Variants in XKR4 observed in about 807,000 individuals in gnomAD.
XKR4 encodes the protein XK related 4, also known as XK-related protein 4.
A neutral mutation model predicts 53.9 loss-of-function variants in XKR4; 12 were observed. The ratio of observed to expected loss-of-function variants is 0.22; its 90% CI spans 0.14 to 0.36. XKR4 has a LOEUF of 0.36. Ranked by LOEUF, XKR4 falls within the 10% of genes least tolerant of loss-of-function variation. XKR4 has a pLI of 1.00. For synonymous variants in XKR4, 354 were observed against 362.4 expected (o/e 0.98, Z 0.26); for missense variants, 799 against 859.5 (o/e 0.93, Z 0.88).
At chr8:55,137,104 T>G (rs1195428849) in intron 1 of XKR4, among the ~76,000 whole-genome samples, 1 of 152,170 alleles carries the variant, frequency 6.6e-6, no homozygotes, top group Non-Finnish European at 1.5e-5. Flanking sequence ...AGTGTAAGCA[T>G]TTTATGTCTA....
chr8:55,338,784 G>T (rs1227123088), intron 1 of XKR4, among the ~76,000 whole-genome samples: 1 of 152,044 alleles, frequency 6.6e-6, no homozygotes, highest in Admixed American at 6.6e-5. Context: ...AAGCTTTAGG[G>T]GTTGATTTTT....
intron 2 of XKR4, among the ~76,000 whole-genome samples, chr8:55,417,299 G>A (rs542851117): frequency 1.3e-5 from 2 of 152,324 alleles, no homozygotes; most frequent in South Asian, 4.1e-4. Context: ...CCACGGTTTA[G>A]GAGAGAAGTT....
intron 1 of XKR4, among the ~76,000 whole-genome samples, chr8:55,336,983 GT>G (rs142746758): frequency 6.6e-6 from 1 of 152,150 alleles, no homozygotes; most frequent in Non-Finnish European, 1.5e-5. Flanking sequence ...ACTTGCAAGG[GT>G]TTTTTTGGTG....
chr8:55,176,326 T>G (rs1312137966), intron 1 of XKR4, among the ~76,000 whole-genome samples: 1 of 152,204 alleles, frequency 6.6e-6, no homozygotes, highest in Non-Finnish European at 1.5e-5. Context: ...CACTGTGGGG[T>G]TCGCTCTGCT....
intron 2 of XKR4, among the ~76,000 whole-genome samples, chr8:55,508,139 T>G (rs1585611744): frequency 6.6e-6 from 1 of 152,028 alleles, no homozygotes; most frequent in East Asian, 1.9e-4. Flanking sequence ...TTACAAGCAG[T>G]GATGGCATGA....
intron 2 of XKR4, among the ~76,000 whole-genome samples, chr8:55,445,876 T>G (rs1265115997): frequency 6.6e-6 from 1 of 152,210 alleles, no homozygotes; most frequent in East Asian, 1.9e-4. Context: ...TACGAAGCCT[T>G]GCTAAATAGG....
chr8:55,164,713 A>G (rs2129357682), intron 1 of XKR4: 1 of 276,502 alleles, frequency 3.6e-6, no homozygotes, highest in Admixed American at 4.5e-5. Flanking sequence ...AAACCCATGT[A>G]TAATAATACC....
intron 1 of XKR4, among the ~76,000 whole-genome samples, chr8:55,138,106 C>T (rs899691774): frequency 2.6e-5 from 4 of 152,094 alleles, no homozygotes; most frequent in Non-Finnish European, 5.9e-5. Context: ...ACAATGTATA[C>T]CAAGGAGGGA....
chr8:55,328,898 T>C (rs1321767258), intron 1 of XKR4, among the ~76,000 whole-genome samples: 1 of 152,180 alleles, frequency 6.6e-6, no homozygotes, highest in Non-Finnish European at 1.5e-5. Context: ...CACCATGTTT[T>C]CTTTTCTTCA....
intron 1 of XKR4, among the ~76,000 whole-genome samples, chr8:55,176,263 G>T (rs908172442): frequency 2.6e-5 from 4 of 152,248 alleles, no homozygotes; most frequent in African/African-American, 9.6e-5. Flanking sequence ...AGCATCCAGG[G>T]TTGGGGCTGA....
rs1806948093 is a variant in XKR4, at chr8:55,531,176, A to T, written c.*6949A>T. 1 of 152,138 alleles carries T rather than the reference A, an allele frequency of 6.6e-6. No homozygotes were observed. The highest frequency in any genetic ancestry group is 2.4e-5 in the African/African-American group (1 of 41,418). 9.4% of individuals were successfully genotyped at this position (152,138 alleles called of 1,614,324 possible). ...ATATGCATCGTCAGGCAATTTTGTC[A>T]TTGTGTGATGGAGTGTGCTTACACA... On this transcript the variant is annotated 3_prime_UTR_variant, in exon 3 of 3. Coordinates refer to ENST00000327381, the MANE Select transcript of XKR4 (RefSeq NM_052898.2).
intron 1 of XKR4, among the ~76,000 whole-genome samples, chr8:55,263,517 A>C (rs1469636905): frequency 1.3e-5 from 2 of 152,158 alleles, no homozygotes; most frequent in Non-Finnish European, 2.9e-5. Flanking sequence ...AAACTAGAGC[A>C]CTCAGATTTT....
intron 2 of XKR4, among the ~76,000 whole-genome samples, chr8:55,436,776 T>C (rs1306312378): frequency 6.6e-6 from 1 of 152,198 alleles, no homozygotes; most frequent in Non-Finnish European, 1.5e-5. Flanking sequence ...CACTTCCCCT[T>C]CTCAAAGCCA....
At chr8:55,272,474 A>T (rs1818705506) in intron 1 of XKR4, among the ~76,000 whole-genome samples, 1 of 152,174 alleles carries the variant, frequency 6.6e-6, no homozygotes, top group Admixed American at 6.5e-5. Context: ...AGCAAATGGC[A>T]GTCCCCAATT....
intron 1 of XKR4, among the ~76,000 whole-genome samples, chr8:55,326,531 C>T (rs1260039274): frequency 7.5e-6 from 1 of 133,826 alleles, no homozygotes; most frequent in Non-Finnish European, 1.5e-5. Context: ...AGTGCAGTGG[C>T]CCAATCTCGG....
chr8:55,218,055 G>T (rs934518350), intron 1 of XKR4, among the ~76,000 whole-genome samples: 1 of 152,172 alleles, frequency 6.6e-6, no homozygotes, highest in Non-Finnish European at 1.5e-5. Flanking sequence ...AATAATAGGA[G>T]ATGGAGAAAG....
At chr8:55,489,607 A>G (rs948280733) in intron 2 of XKR4, among the ~76,000 whole-genome samples, 3 of 152,106 alleles carry the variant, frequency 2.0e-5, no homozygotes, top group East Asian at 3.9e-4. Context: ...TTAAAAAAAA[A>G]GGATTATTAT....
At chr8:55,114,709 A>G (rs905091505) in intron 1 of XKR4, among the ~76,000 whole-genome samples, 4 of 152,212 alleles carry the variant, frequency 2.6e-5, no homozygotes, top group African/African-American at 9.6e-5. Flanking sequence ...AGGGGAGGGC[A>G]GAGAGCTGGG....
intron 2 of XKR4, among the ~76,000 whole-genome samples, chr8:55,415,270 G>A (rs1027028281): frequency 7.9e-5 from 12 of 152,172 alleles, no homozygotes; most frequent in South Asian, 2.1e-4. Context: ...TACCCTGTTA[G>A]GTTCATATAA....
Sources: allele counts gnomAD v4.1 joint callset (sites outside exome capture counted in the v4.1 genomes callset), GRCh38; gene constraint gnomAD v4.1.1; transcripts MANE v1.5; gene names NCBI Gene and HGNC (gene_info 2026-07-23, HGNC 2026-07-21).